Variants in PLCH2 observed in about 807,000 individuals in gnomAD.
The protein encoded by PLCH2 is phospholipase C eta 2.
A neutral mutation model predicts 134.7 loss-of-function variants in PLCH2; 98 were observed. The ratio of observed to expected loss-of-function variants is 0.73; its 90% CI spans 0.62 to 0.86. PLCH2 has a LOEUF of 0.86. Ranked by LOEUF, PLCH2 falls within the 40% of genes least tolerant of loss-of-function variation. The pLI, the probability that PLCH2 is intolerant of heterozygous loss-of-function variation, is 0.00. For synonymous variants in PLCH2, 974 were observed against 827.5 expected, an observed-to-expected ratio of 1.18 and a Z score of -3.04; for missense variants, 1,994 against 1,986.6, an observed-to-expected ratio of 1.00 and a Z score of -0.07.
chr1:2,442,410 G>A (rs1639732352), intron 2 of PLCH2, among the ~76,000 whole-genome samples: 2 of 152,204 alleles, frequency 1.3e-5, no homozygotes, highest in South Asian at 4.1e-4. Context: ...CTGGTCCTGA[G>A]TGACACGCTC....
At chr1:2,491,391 C>T in intron 11 of PLCH2, 56 bp downstream of exon 11, 1 of 1,582,312 alleles carries the variant, frequency 6.3e-7, no homozygotes, top group Non-Finnish European at 8.6e-7. Context: ...GACAGCCAGC[C>T]TGTGGGCCAG....
the PLCH2 span, among the ~76,000 whole-genome samples, chr1:2,419,573 G>A: frequency 1.3e-5 from 2 of 152,126 alleles, no homozygotes; most frequent in Admixed American, 6.5e-5. Context: ...CGGTGAGGGC[G>A]GAAGGGGAGC....
At chr1:2,503,403 C>T (rs1180026622) in intron 21 of PLCH2, 9 of 589,778 alleles carry the variant, frequency 1.5e-5, no homozygotes, top group Middle Eastern at 3.9e-4. Flanking sequence ...GCGTCTCCTG[C>T]GCCCCTGGGA....
At chr1:2,446,268 T>C (rs536464580) in intron 2 of PLCH2, among the ~76,000 whole-genome samples, 2 of 152,368 alleles carry the variant, frequency 1.3e-5, no homozygotes, top group South Asian at 2.1e-4. Flanking sequence ...TTGTCTCCAA[T>C]GGCCCCTGGG....
At chr1:2,447,225 AG>A (rs1332686524) in intron 2 of PLCH2, among the ~76,000 whole-genome samples, 1 of 152,174 alleles carries the variant, frequency 6.6e-6, no homozygotes, top group East Asian at 1.9e-4. Context: ...AGGGGCTTCC[AG>A]GGCTAGGGTG....
rs35968993 is a variant in PLCH2, at chr1:2,499,077, TC to T, written c.2435-3del. On this transcript the variant is annotated splice_polypyrimidine_tract_variant and splice_region_variant and intron_variant, in intron 18 of 21. Coordinates refer to ENST00000378486, the MANE Select transcript of PLCH2 (RefSeq NM_014638.4). ...ATGGGACACTCCTCCTGGCGCTGCTTCCCCAGGGTTCAACCCCACCTGGGAG... is the reference window on the plus strand; with the variant it reads ...ATGGGACACTCCTCCTGGCGCTGCTTCCCAGGGTTCAACCCCACCTGGGAG... 58 of 1,606,796 alleles carry T rather than the reference TC, an allele frequency of 3.6e-5. No individual in the cohort carries two copies. Among genetic ancestry groups the T allele is most frequent in the Non-Finnish European group, 4.8e-5 (56 of 1,177,396 alleles).
In PLCH2 at chr1:2,483,791, G is replaced by GGGCGCTGACCCCCGTGTGGGGGT. The variant is rs1268648300; in HGVS notation, c.646-612_646-590dup. Among the ~76,000 whole-genome samples the GGGCGCTGACCCCCGTGTGGGGGT allele has an allele frequency of 2.7e-4, 23 of 84,396 alleles. 8 individuals are homozygous for GGGCGCTGACCCCCGTGTGGGGGT. Among genetic ancestry groups the GGGCGCTGACCCCCGTGTGGGGGT allele is most frequent in the Non-Finnish European group, 5.3e-4 (20 of 37,818 alleles). The allele number at this position is 84,396 out of a possible 152,430, so 55.4% of individuals were successfully genotyped here. A position where few individuals can be genotyped will look rare whatever the true frequency, so the allele number is the denominator to read the frequency against. ...GGGGGGCGCTGACCCCCGTTTGGGG[G>GGGCGCTGACCCCCGTGTGGGGGT]GGCGCTGACCCCCGTGTGGGGGTGG... On this transcript the variant is annotated intron_variant, in intron 4 of 21. Transcript: ENST00000378486.
chr1:2,477,258 C>A (rs1385561616), intron 1 of PLCH2, among the ~76,000 whole-genome samples: 2 of 152,116 alleles, frequency 1.3e-5, no homozygotes, highest in African/African-American at 4.8e-5. Flanking sequence ...CAGGCCTCTG[C>A]CCGCCCCCTG....
At chr1:2,488,938 T>C (rs1642418922) in intron 8 of PLCH2, among the ~76,000 whole-genome samples, 1 of 152,088 alleles carries the variant, frequency 6.6e-6, no homozygotes, top group South Asian at 2.1e-4. Flanking sequence ...ATTGCCTTTG[T>C]TTTTTTTCTT....
intron 11 of PLCH2, among the ~76,000 whole-genome samples, chr1:2,494,011 C>T (rs943675290): frequency 5.3e-5 from 8 of 152,128 alleles, no homozygotes; most frequent in Admixed American, 3.9e-4. Flanking sequence ...GTGATGTGTC[C>T]GCTTCTGGCG....
At chr1:2,467,460 ACGGGCGGG>A (rs924674315) in exon 1 of PLCH2, 7 of 374,412 alleles carry the variant, frequency 1.9e-5, no homozygotes, top group African/African-American at 4.4e-5. Flanking sequence ...CACCTTCCTC[ACGGGCGGG>A]CGCGGCAGGG....
At position 2,502,275 on chromosome 1, in the gene PLCH2, G is replaced by C. The variant is rs866708583; in HGVS notation, c.2825G>C (p.Arg942Thr). The C allele has an allele frequency of 1.3e-6, 2 of 1,539,014 alleles. No homozygotes were observed. Among genetic ancestry groups the C allele is most frequent in the Non-Finnish European group, 8.7e-7 (1 of 1,143,664 alleles). ...ACCAAGAGCCAGAAGCCGGGCCGCA[G>C]GGGCTTCCCGGAGCTGGTCCTGGGT... ...APTKSQKPGR[R>T]GFPELVLGTR... The change falls in exon 21 of 22, where the codon AGG becomes ACG. Residue 942 changes from arginine to threonine, a missense_variant. By Grantham distance (71) the Arg-to-Thr change is moderately conservative. Around this residue, in one of 2 missense-constraint regions of PLCH2, gnomAD observed 900 missense variants for 752.3 expected, o/e 1.20. Transcript: ENST00000378486.
chr1:2,482,858 C>T (rs780925265), intron 4 of PLCH2, among the ~76,000 whole-genome samples: 3 of 152,180 alleles, frequency 2.0e-5, no homozygotes, highest in South Asian at 2.1e-4. Context: ...ATCTGCAGGC[C>T]GAGGCGGGGC....
chr1:2,484,752 C>A, intron 5 of PLCH2, 134 bp downstream of exon 5: 1 of 950,332 alleles, frequency 1.1e-6, no homozygotes, highest in Non-Finnish European at 1.6e-6. Context: ...GATGGGCTAC[C>A]TGGGCTCATG....
At chr1:2,485,753 G>A (rs1450442917) in intron 5 of PLCH2, among the ~76,000 whole-genome samples, 1 of 152,154 alleles carries the variant, frequency 6.6e-6, no homozygotes, top group Non-Finnish European at 1.5e-5. Flanking sequence ...GATGGTCTGA[G>A]GGCGAGGATG....
chr1:2,453,988 G>A (rs555973411), intron 2 of PLCH2, among the ~76,000 whole-genome samples: 74 of 145,768 alleles, frequency 5.1e-4, no homozygotes, highest in African/African-American at 1.7e-3. Flanking sequence ...TCTGAGAGCC[G>A]AGTGTGTGGG....
At position 2,495,509 on chromosome 1, in the gene PLCH2, A is replaced by G. The variant is rs371699467; in HGVS notation, c.1774A>G (p.Lys592Glu). 160 of 1,551,878 alleles carry G rather than the reference A, an allele frequency of 1.0e-4. No homozygotes were observed. The highest frequency in any genetic ancestry group is 4.5e-4 in the African/African-American group (33 of 73,006). ...ACAGAAGAAGGGCAGCAAGCTGAAG[A>G]AGGCGGCCAGCGTGGAGGAGGGAGA... The part of the protein sequence containing the change: ...RRKKKGSKLK[K>E]AASVEEGDEG... Residue 592 changes from lysine to glutamate, a missense_variant, in exon 13 of 22, where the codon AAG (lysine) becomes GAG (glutamate). Physicochemically the swap from Lys to Glu is moderately conservative, Grantham distance 56. Transcript: ENST00000378486.
intron 4 of PLCH2, among the ~76,000 whole-genome samples, chr1:2,483,799 AC>A (rs1341963696): frequency 7.5e-6 from 1 of 133,764 alleles, no homozygotes; most frequent in Non-Finnish European, 1.6e-5. Context: ...GGGGGCGCTG[AC>A]CCCCGTGTGG....
chr1:2,423,558 G>A (rs1425561169), upstream of PLCH2, among the ~76,000 whole-genome samples: 2 of 152,140 alleles, frequency 1.3e-5, no homozygotes, highest in African/African-American at 4.8e-5. Flanking sequence ...TCTGGGCTGG[G>A]GTTCTTAAGG....
Sources: allele counts gnomAD v4.1 joint callset (sites outside exome capture counted in the v4.1 genomes callset), GRCh38; gene constraint gnomAD v4.1.1; regional missense constraint gnomAD v4.1.1; transcripts MANE v1.5; gene names NCBI Gene and HGNC (gene_info 2026-07-23, HGNC 2026-07-21).